Variants in CPNE4 observed in about 807,000 individuals in gnomAD.
CPNE4 encodes the protein copine 4, also known as copine-4.
A neutral mutation model predicts 67.9 loss-of-function variants in CPNE4; 25 were observed. The observed-to-expected ratio is 0.37, with a 90% CI of 0.27 to 0.51. CPNE4 has a LOEUF of 0.51. Ranked by LOEUF, CPNE4 falls within the 20% of genes least tolerant of loss-of-function variation. CPNE4 has a pLI of 0.93. For missense variants in CPNE4, 464 were observed against 690.8 expected (o/e 0.67, Z 3.68); for synonymous variants, 242 against 244.9 (o/e 0.99, Z 0.11).
intron 2 of CPNE4, among the ~76,000 whole-genome samples, chr3:131,756,980 C>A (rs1163135100): frequency 6.6e-6 from 1 of 152,160 alleles, no homozygotes; most frequent in Non-Finnish European, 1.5e-5. Context: ...GTGCCTTTTG[C>A]CTCCTGCCAT....
At chr3:131,731,139 T>C (rs781243714) in intron 2 of CPNE4, among the ~76,000 whole-genome samples, 4 of 152,210 alleles carry the variant, frequency 2.6e-5, no homozygotes, top group Admixed American at 1.3e-4. Context: ...TGCCATGCAG[T>C]TAACCTGGTT....
chr3:131,739,011 C>T (rs2082302205), intron 2 of CPNE4, among the ~76,000 whole-genome samples: 1 of 152,070 alleles, frequency 6.6e-6, no homozygotes, highest in African/African-American at 2.4e-5. Context: ...CCTGCCACCA[C>T]ACAGGGCTAA....
At position 131,535,327 on chromosome 3, in the gene CPNE4, T is replaced by TG; in HGVS notation, c.1541dup (p.Ser515IlefsTer12). Reference sequence around the variant, plus strand: ...CGCTCTTTGCCAGGGCAGCTGGAGATGCCTGCAGGGAAGAAGAAATCATCA... The same window carrying TG: ...CGCTCTTTGCCAGGGCAGCTGGAGATGGCCTGCAGGGAAGAAGAAATCATCA... On this transcript the variant is annotated frameshift_variant and splice_region_variant, in exon 16 of 16. Transcript: ENST00000429747. LOFTEE classifies it high-confidence loss of function. 6.2e-7 allele frequency: 1 copy of TG among 1,612,736 alleles called. No individual in the cohort carries two copies. The highest frequency in any genetic ancestry group is 8.5e-7 in the Non-Finnish European group (1 of 1,179,632).
At chr3:131,831,020 T>C (rs1241744838) in intron 2 of CPNE4, among the ~76,000 whole-genome samples, 1 of 152,102 alleles carries the variant, frequency 6.6e-6, no homozygotes, top group Non-Finnish European at 1.5e-5. Flanking sequence ...TTTTGAATTT[T>C]ACCTGTAGGA....
At chr3:131,724,871 G>A (rs542414653) in intron 2 of CPNE4, among the ~76,000 whole-genome samples, 90 of 152,166 alleles carry the variant, frequency 5.9e-4, no homozygotes, top group Non-Finnish European at 1.1e-3. Flanking sequence ...TTATCGCTAA[G>A]GCTCTTTTCC....
intron 2 of CPNE4, among the ~76,000 whole-genome samples, chr3:131,853,366 T>C (rs553126620): frequency 1.3e-5 from 2 of 151,952 alleles, no homozygotes; most frequent in African/African-American, 4.8e-5. Flanking sequence ...AACAACTCGA[T>C]ACTTGTGTGT....
intron 2 of CPNE4, among the ~76,000 whole-genome samples, chr3:131,865,961 T>C (rs1399324024): frequency 6.6e-6 from 1 of 152,196 alleles, no homozygotes; most frequent in African/African-American, 2.4e-5. Flanking sequence ...GTTGGGCCAA[T>C]ATGGCCAGGC....
intron 5 of CPNE4, among the ~76,000 whole-genome samples, chr3:131,695,053 G>A (rs560943240): frequency 6.6e-6 from 1 of 152,312 alleles, no homozygotes; most frequent in African/African-American, 2.4e-5. Flanking sequence ...TCCTGAAGAG[G>A]TTGTGTGAAA....
chr3:131,831,906 G>A (rs989361278), intron 2 of CPNE4, among the ~76,000 whole-genome samples: 1 of 152,106 alleles, frequency 6.6e-6, no homozygotes, highest in Non-Finnish European at 1.5e-5. Context: ...AAATAGTGCC[G>A]ATTTTGCTGA....
chr3:131,791,023 A>G (rs975268379), intron 2 of CPNE4, among the ~76,000 whole-genome samples: 1 of 152,180 alleles, frequency 6.6e-6, no homozygotes, highest in Non-Finnish European at 1.5e-5. Context: ...TAAGTACAAC[A>G]TTGATCAAAA....
intron 7 of CPNE4, among the ~76,000 whole-genome samples, chr3:131,591,830 C>A (rs1182298386): frequency 6.6e-6 from 1 of 152,162 alleles, no homozygotes; most frequent in African/African-American, 2.4e-5. Flanking sequence ...AGGAACGCAT[C>A]TTGGTGAAAA....
In CPNE4 at chr3:131,534,755, A is replaced by C. The variant is rs1277086201; in HGVS notation, c.*440T>G. On this transcript the variant is annotated 3_prime_UTR_variant, in exon 16 of 16. Coordinates refer to ENST00000429747, the MANE Select transcript of CPNE4 (RefSeq NM_130808.3). ...TTTTTATTTTAAACATGCAAAATAC[A>C]GTCCATGCATCTGCCATTTTAAAAA... 3 of 153,094 alleles carry C rather than the reference A, an allele frequency of 2.0e-5. No individual in the cohort carries two copies. Among genetic ancestry groups the C allele is most frequent in the East Asian group, 3.9e-4 (2 of 5,190 alleles). The allele number at this position is 153,094 out of a possible 1,614,324, so 9.5% of individuals were successfully genotyped here.
At chr3:131,851,760 TC>T in intron 2 of CPNE4, among the ~76,000 whole-genome samples, 2 of 152,170 alleles carry the variant, frequency 1.3e-5, no homozygotes, top group East Asian at 3.9e-4. Context: ...TTCCTGGCTT[TC>T]CCTCAATTCA....
intron 1 of CPNE4, among the ~76,000 whole-genome samples, chr3:131,972,493 T>G (rs1329367778): frequency 6.6e-6 from 1 of 152,230 alleles, no homozygotes; most frequent in Non-Finnish European, 1.5e-5. Flanking sequence ...TGGTCTTTCC[T>G]GTTGGAATTT....
At chr3:131,661,183 G>T (rs1380554861) in intron 7 of CPNE4, among the ~76,000 whole-genome samples, 1 of 152,136 alleles carries the variant, frequency 6.6e-6, no homozygotes, top group East Asian at 1.9e-4. Context: ...TAATCAAAGT[G>T]CCCATCACAA....
intron 2 of CPNE4, among the ~76,000 whole-genome samples, chr3:131,888,064 G>A (rs1470591600): frequency 6.6e-6 from 1 of 152,116 alleles, no homozygotes; most frequent in Non-Finnish European, 1.5e-5. Flanking sequence ...TCTCAGCTGA[G>A]GTCCTAGACA....
At chr3:131,917,672 T>C (rs570457488) in intron 1 of CPNE4, among the ~76,000 whole-genome samples, 6 of 152,112 alleles carry the variant, frequency 3.9e-5, no homozygotes, top group African/African-American at 7.2e-5. Flanking sequence ...CTGAAGGAGT[T>C]TGACAGGAAT....
chr3:131,608,305 C>T (rs938387015), intron 7 of CPNE4, among the ~76,000 whole-genome samples: 9 of 152,090 alleles, frequency 5.9e-5, no homozygotes, highest in African/African-American at 1.9e-4. Context: ...AAGTGCTATG[C>T]TAGTGGTGCA....
At chr3:132,000,479 A>G (rs2073403930) in intron 1 of CPNE4, among the ~76,000 whole-genome samples, 1 of 151,672 alleles carries the variant, frequency 6.6e-6, no homozygotes, top group Non-Finnish European at 1.5e-5. Context: ...AACAGTCGAT[A>G]AACAATAAAT....
Sources: allele counts gnomAD v4.1 joint callset (sites outside exome capture counted in the v4.1 genomes callset), GRCh38; gene constraint gnomAD v4.1.1; transcripts MANE v1.5; gene names NCBI Gene and HGNC (gene_info 2026-07-23, HGNC 2026-07-21).